Variants in RBM10 observed in about 807,000 individuals in gnomAD.
The protein encoded by RBM10 is RNA-binding protein 10.
In RBM10, 1 loss-of-function variant was observed where a neutral mutation model predicts 84.9. That is an observed-to-expected ratio of 0.01 (90% CI 0.00 to 0.06). The LOEUF (loss-of-function observed/expected upper bound fraction) is 0.06, where lower values mean the gene tolerates loss of function less well. Ranked by LOEUF, RBM10 falls within the 10% of genes least tolerant of loss-of-function variation. RBM10 has a pLI of 1.00. For missense variants in RBM10, 438 were observed against 839.0 expected, an observed-to-expected ratio of 0.52 and a Z score of 5.90; for synonymous variants, 326 against 344.5, an observed-to-expected ratio of 0.95 and a Z score of 0.60.
intron 2 of RBM10, among the ~76,000 whole-genome samples, chrX:47,166,171 C>G: frequency 8.9e-6 from 1 of 112,034 alleles, no homozygotes; most frequent in East Asian, 2.8e-4. Flanking sequence ...CTTTGGGAGG[C>G]TGAGGCGACA....
chrX:47,176,431 TCTC>T, intron 6 of RBM10, 66 bp from the exon 7 acceptor site: 2 of 1,201,668 alleles, frequency 1.7e-6, no homozygotes, highest in Non-Finnish European at 2.2e-6. Flanking sequence ...CTCACTCTCT[TCTC>T]CTATGCTGAA....
intron 2 of RBM10, among the ~76,000 whole-genome samples, chrX:47,163,122 A>G (rs1350909076): frequency 1.8e-5 from 2 of 111,341 alleles, no homozygotes; most frequent in African/African-American, 6.5e-5. Flanking sequence ...AACCAGTTAA[A>G]GGGCATTCTA....
At chrX:47,176,709 C>CT in intron 7 of RBM10, 123 bp downstream of exon 7, 1 of 1,060,594 alleles carries the variant, frequency 9.4e-7, no homozygotes, top group Non-Finnish European at 1.3e-6. Flanking sequence ...CTCTCCTCTC[C>CT]CTCTGTCTCT....
chrX:47,179,815 G>T, intron 9 of RBM10, 65 bp from the exon 10 acceptor site: 1 of 1,118,896 alleles, frequency 8.9e-7, no homozygotes, highest in South Asian at 1.9e-5. Context: ...AGCAGTGGGG[G>T]CATTGAAGGG....
chrX:47,146,830 A>AC (rs1432165574), intron 1 of RBM10, among the ~76,000 whole-genome samples: 8 of 107,855 alleles, frequency 7.4e-5, no homozygotes, highest in Admixed American at 9.9e-5. Context: ...CCCTTCACAC[A>AC]CCCCCCCAAG....
intron 2 of RBM10, among the ~76,000 whole-genome samples, chrX:47,168,852 A>G (rs1556770265): frequency 9.0e-6 from 1 of 111,237 alleles, no homozygotes; most frequent in Non-Finnish European, 1.9e-5. Context: ...TTTGGGATGT[A>G]GAGACTGAAC....
chrX:47,170,981 C>A, intron 3 of RBM10, 47 bp from the exon 4 acceptor site: 1 of 1,177,306 alleles, frequency 8.5e-7, no homozygotes. Flanking sequence ...TAGGCCTGCC[C>A]AGACTGACTG....
In RBM10 at chrX:47,145,402, CG is replaced by C; in HGVS notation, c.-207del. ...ACTTGGTTGTTGCGCGCTCCGGCTCCGGCTGAGCTGGGAGAGTTGGAGGAGG... is the reference window on the plus strand; with the variant it reads ...ACTTGGTTGTTGCGCGCTCCGGCTCCGCTGAGCTGGGAGAGTTGGAGGAGG... On this transcript the variant is annotated 5_prime_UTR_variant, in exon 1 of 24. Transcript: ENST00000377604. The C allele has an allele frequency of 8.8e-7, 1 of 1,140,782 alleles. No homozygotes were observed. The highest frequency in any genetic ancestry group is 3.3e-5 in the East Asian group (1 of 30,674). The allele number at this position is 1,140,782 out of a possible 1,213,427, so 94.0% of individuals were successfully genotyped here. A position where few individuals can be genotyped will look rare whatever the true frequency, so the allele number is the denominator to read the frequency against.
Position 47,181,259 on chromosome X carries a change from G to A in RBM10, c.1293G>A (p.Pro431=), listed in dbSNP as rs139013965. ...GEGTWATSEE[P]PVDYSYYQQD... ...GTACCTGGGCCACCTCCGAGGAGCC[G>A]CCGGTCGACTACAGCTACTACCAAC... Residue 431 remains proline (P), a synonymous_variant, in exon 13 of 24, where the codon CCG becomes CCA. Coordinates refer to ENST00000377604, the MANE Select transcript of RBM10 (RefSeq NM_005676.5). 11 of 1,167,910 alleles carry A rather than the reference G, an allele frequency of 9.4e-6. No individual in the cohort carries two copies. The highest frequency in any genetic ancestry group is 9.2e-5 in the African/African-American group (5 of 54,259).
intron 2 of RBM10, among the ~76,000 whole-genome samples, chrX:47,168,628 T>C (rs1024873273): frequency 9.0e-6 from 1 of 111,122 alleles, no homozygotes; most frequent in African/African-American, 3.3e-5. Context: ...GAAATTTTAA[T>C]GAAAGAGCTG....
At chrX:47,147,316 C>T (rs2147063638) in intron 1 of RBM10, 41 bp from the exon 2 acceptor site, 1 of 1,149,226 alleles carries the variant, frequency 8.7e-7, no homozygotes, top group South Asian at 1.9e-5. Context: ...CCCTCTCAGT[C>T]CCAACAGTTT....
intron 1 of RBM10, 36 bp downstream of exon 1, chrX:47,145,521 G>A: frequency 8.7e-7 from 1 of 1,148,258 alleles, no homozygotes; most frequent in Non-Finnish European, 1.2e-6. Context: ...GCGGAGGTAA[G>A]GGGCCCGGGG....
intron 3 of RBM10, among the ~76,000 whole-genome samples, chrX:47,169,730 T>C (rs1191568490): frequency 1.8e-5 from 2 of 111,388 alleles, no homozygotes; most frequent in Admixed American, 1.9e-4. Context: ...TGAGGGCCCC[T>C]GGCCACCACT....
intron 2 of RBM10, chrX:47,157,676 G>T: frequency 1.9e-6 from 1 of 536,502 alleles, no homozygotes; most frequent in Non-Finnish European, 3.4e-6. Flanking sequence ...CCAGGGACTG[G>T]CTGTCATTCT....
In RBM10 at chrX:47,171,053, C is replaced by T; in HGVS notation, c.227C>T (p.Ser76Phe). 2.5e-6 allele frequency: 3 copies of T among 1,211,337 alleles called. No individual in the cohort carries two copies. Among genetic ancestry groups the T allele is most frequent in the Non-Finnish European group, 3.4e-6 (3 of 895,296 alleles). The change falls in exon 4 of 24, where the codon TCC becomes TTC. Residue 76 changes from serine to phenylalanine, a missense_variant. Coordinates refer to ENST00000377604, the MANE Select transcript of RBM10 (RefSeq NM_005676.5). ...GATTCCTACGAGGCCTCCCCGGGCT[C>T]CGAGACTCAGCGTAGGCGGCGGCGG... is the stretch of plus-strand genomic sequence containing the variant. ...AEDSYEASPG[S>F]ETQRRRRRRH...
intron 3 of RBM10, 34 bp from the exon 4 acceptor site, chrX:47,170,994 C>T (rs1486484985): frequency 3.4e-6 from 4 of 1,183,245 alleles, no homozygotes; most frequent in South Asian, 3.6e-5. Context: ...ACTGACTGCC[C>T]GTCTGGTGTC....
intron 2 of RBM10, among the ~76,000 whole-genome samples, chrX:47,149,441 A>G (rs1932605015): frequency 9.0e-6 from 1 of 110,758 alleles, no homozygotes; most frequent in South Asian, 3.8e-4. Flanking sequence ...GCTGACCACA[A>G]CCTCTGCCTC....
intron 10 of RBM10, 48 bp from the exon 11 acceptor site, chrX:47,180,164 G>A (rs782624799): frequency 8.6e-7 from 1 of 1,165,175 alleles, no homozygotes. Context: ...GGAGCCGGGG[G>A]CCTCCCCGGG....
intron 2 of RBM10, among the ~76,000 whole-genome samples, chrX:47,159,145 C>A (rs2096279884): frequency 2.7e-5 from 3 of 112,509 alleles, no homozygotes; most frequent in African/African-American, 9.7e-5. Flanking sequence ...CGCCATGGCC[C>A]ATGCCAGTAA....
Sources: gnomAD v4.1 joint callset for allele counts (sites outside exome capture counted in the v4.1 genomes callset) on GRCh38, gnomAD v4.1.1 for gene constraint, MANE v1.5 for transcripts, NCBI Gene and HGNC (gene_info 2026-07-23, HGNC 2026-07-21) for gene names.